Variants in RNF115 observed in about 807,000 individuals in gnomAD.
RNF115 encodes the protein ring finger protein 115.
Under a neutral mutation model 39.2 loss-of-function variants are expected in RNF115, and 31 were observed. That is an observed-to-expected ratio of 0.79 (90% CI 0.59 to 1.07). The LOEUF is 1.07. Among genes scored for constraint, RNF115 ranks in the 50% least tolerant of loss-of-function variants. The probability of loss-of-function intolerance (pLI) is 0.00; values close to 1 mark genes in which losing one functional copy is unlikely to be tolerated. For missense variants in RNF115, 384 were observed against 381.7 expected, an observed-to-expected ratio of 1.01 and a Z score of -0.05; for synonymous variants, 124 against 131.0, an observed-to-expected ratio of 0.95 and a Z score of 0.37.
At chr1:145,813,673 TC>T (rs1423855745) in intron 1 of RNF115, among the ~76,000 whole-genome samples, 7 of 152,088 alleles carry the variant, frequency 4.6e-5, no homozygotes, top group African/African-American at 1.7e-4. Flanking sequence ...AAACACTCTC[TC>T]CCATCAGAGG....
chr1:145,765,617 G>C (rs1419472097), intron 4 of RNF115, among the ~76,000 whole-genome samples: 1 of 146,552 alleles, frequency 6.8e-6, no homozygotes, highest in African/African-American at 2.5e-5. Flanking sequence ...ACAAACAAAT[G>C]AGTTTTATAG....
intron 4 of RNF115, among the ~76,000 whole-genome samples, chr1:145,769,856 A>G (rs1462772350): frequency 6.6e-6 from 1 of 152,078 alleles, no homozygotes; most frequent in Non-Finnish European, 1.5e-5. Context: ...AAAATTGAAA[A>G]ATTAGCCAGG....
chr1:145,791,941 TA>T (rs1203030285), intron 1 of RNF115, among the ~76,000 whole-genome samples: 1 of 152,124 alleles, frequency 6.6e-6, no homozygotes, highest in Non-Finnish European at 1.5e-5. Flanking sequence ...TTTATTTATT[TA>T]TTTTTTTGAG....
intron 1 of RNF115, among the ~76,000 whole-genome samples, chr1:145,819,280 A>C (rs2101615937): frequency 1.9e-5 from 2 of 102,784 alleles, no homozygotes; most frequent in East Asian, 4.3e-4. Context: ...TCAAAAAAAA[A>C]AAAAAAAAAA....
chr1:145,770,008 C>G (rs998578070), intron 4 of RNF115, among the ~76,000 whole-genome samples: 2 of 151,922 alleles, frequency 1.3e-5, no homozygotes, highest in Admixed American at 6.6e-5. Context: ...ACCCTGTTTC[C>G]CCAACCCCGA....
At position 145,811,883 on chromosome 1, in the gene RNF115, C is replaced by CAAAAAAAAAAAAAAAA. The variant is rs67086842; in HGVS notation, c.102+11873_102+11888dup. On this transcript the variant is annotated intron_variant, in intron 1 of 8. Transcript: ENST00000582693. ...CCTGGTTGACAGAGATTCTGTCTCA[C>CAAAAAAAAAAAAAAAA]AAAAAAAAAAAAAAAAAAAAAAAAA... Among the ~76,000 whole-genome samples, 3 of 35,856 alleles carry CAAAAAAAAAAAAAAAA rather than the reference C, an allele frequency of 8.4e-5. 1 individual carries two copies. Among genetic ancestry groups the CAAAAAAAAAAAAAAAA allele is most frequent in the Non-Finnish European group, 2.0e-4 (3 of 15,016 alleles). The allele number at this position is 35,856 out of a possible 152,430, so 23.5% of individuals were successfully genotyped here. A position where few individuals can be genotyped will look rare whatever the true frequency, so the allele number is the denominator to read the frequency against.
intron 4 of RNF115, among the ~76,000 whole-genome samples, chr1:145,767,865 C>T (rs587760673): frequency 8.5e-5 from 13 of 152,340 alleles, no homozygotes; most frequent in South Asian, 8.3e-4. Flanking sequence ...CGCAGGCACT[C>T]GGCAGGCTGA....
At chr1:145,766,226 T>G (rs1647269451) in intron 4 of RNF115, among the ~76,000 whole-genome samples, 1 of 152,116 alleles carries the variant, frequency 6.6e-6, no homozygotes, top group Admixed American at 6.6e-5. Context: ...CAAGCATCTG[T>G]TTAACAAAGC....
chr1:145,753,859 G>C (rs1553712835), intron 4 of RNF115, among the ~76,000 whole-genome samples: 1 of 152,096 alleles, frequency 6.6e-6, no homozygotes, highest in African/African-American at 2.4e-5. Flanking sequence ...TGGGATTATA[G>C]GCACCTGCCA....
intron 3 of RNF115, among the ~76,000 whole-genome samples, chr1:145,781,401 A>G (rs1648141040): frequency 6.6e-6 from 1 of 152,164 alleles, no homozygotes; most frequent in South Asian, 2.1e-4. Context: ...TTTATTTCTA[A>G]GTTTTTTCTT....
At chr1:145,768,901 C>T (rs771825107) in intron 4 of RNF115, among the ~76,000 whole-genome samples, 32 of 152,074 alleles carry the variant, frequency 2.1e-4, no homozygotes, top group Non-Finnish European at 4.0e-4. Context: ...TAGTAATAGG[C>T]CCCAAAGATA....
chr1:145,745,795 ATCTG>A lies in RNF115; in HGVS notation c.*1067_*1070del. 6.6e-6 allele frequency: 1 copy of A among 152,014 alleles called. No individual in the cohort carries two copies. The highest frequency in any genetic ancestry group is 2.0e-4 in the East Asian group (1 of 5,124). 9.4% of individuals were successfully genotyped at this position (152,014 alleles called of 1,614,324 possible). A position where few individuals can be genotyped will look rare whatever the true frequency, so the allele number is the denominator to read the frequency against. ...AATCTCAGAAGCAAAGGTCTCAAAC[ATCTG>A]TCTTTCTGTGCCTGTATGCTGCCCA... On this transcript the variant is annotated 3_prime_UTR_variant, in exon 9 of 9. Transcript: ENST00000582693.
chr1:145,805,639 CA>C (rs1553721495), intron 1 of RNF115, among the ~76,000 whole-genome samples: 1 of 152,072 alleles, frequency 6.6e-6, no homozygotes, highest in Non-Finnish European at 1.5e-5. Context: ...GAGATTATTT[CA>C]GGGGTAAAAT....
rs781848568 is a variant in RNF115 at position 145,753,056 on chromosome 1, C to A, written c.429-7G>T. 3.8e-5 allele frequency: 60 copies of A among 1,596,304 alleles called. No individual in the cohort carries two copies. Among genetic ancestry groups the A allele is most frequent in the Non-Finnish European group, 5.0e-5 (58 of 1,165,628 alleles). ...AAAGATGTGTTGTAGTATTCTGTTA[C>A]AGAAGAAAAAATTAGATAAGACAAC... On this transcript the variant is annotated splice_region_variant and splice_polypyrimidine_tract_variant and intron_variant, in intron 4 of 8. Transcript: ENST00000582693.
intron 1 of RNF115, among the ~76,000 whole-genome samples, chr1:145,813,966 C>G (rs1397977326): frequency 7.2e-5 from 10 of 139,604 alleles, no homozygotes; most frequent in Admixed American, 7.6e-5. Context: ...TCCTCCAGCC[C>G]CTAGTTCCAA....
intron 2 of RNF115, chr1:145,788,683 C>T (rs1648499964): frequency 3.0e-6 from 2 of 656,302 alleles, no homozygotes; most frequent in African/African-American, 1.8e-5. Flanking sequence ...CGTATCACCA[C>T]ATCTGCTATG....
At chr1:145,770,819 T>C (rs1647605221) in intron 4 of RNF115, among the ~76,000 whole-genome samples, 1 of 152,230 alleles carries the variant, frequency 6.6e-6, no homozygotes, top group South Asian at 2.1e-4. Context: ...ATGAGATCCA[T>C]GAGCAAAACC....
chr1:145,787,026 T>C (rs1553718169), intron 2 of RNF115: 2 of 1,270,814 alleles, frequency 1.6e-6, no homozygotes, highest in East Asian at 1.1e-4. Flanking sequence ...AAATGTGTAG[T>C]TTTTCCTGGT....
chr1:145,820,045 T>A (rs1289436775), intron 1 of RNF115, among the ~76,000 whole-genome samples: 1 of 141,726 alleles, frequency 7.1e-6, no homozygotes, highest in Non-Finnish European at 1.5e-5. Flanking sequence ...CTCAAAAAAA[T>A]AAATAAATAA....
Sources: gnomAD v4.1 joint callset for allele counts (sites outside exome capture counted in the v4.1 genomes callset) on GRCh38, gnomAD v4.1.1 for gene constraint, MANE v1.5 for transcripts, NCBI Gene and HGNC (gene_info 2026-07-23, HGNC 2026-07-21) for gene names.